The following ZBED4 variants were observed in gnomAD, a reference collection of about 807,000 sequenced individuals.
ZBED4 encodes the protein zinc finger BED-type containing 4.
A neutral mutation model predicts 15.5 loss-of-function variants in ZBED4; 4 were observed. That is an observed-to-expected ratio of 0.26 (90% CI 0.13 to 0.59). The LOEUF is 0.59. ZBED4 is among the 20% of genes least tolerant of loss of function. ZBED4 has a pLI of 0.90. For missense variants in ZBED4, 1,323 were observed against 1,461.8 expected (o/e 0.91, Z 1.55); for synonymous variants, 692 against 608.5 (o/e 1.14, Z -2.02).
At chr22:49,854,469 A>T (rs2147492853) in intron 1 of ZBED4, among the ~76,000 whole-genome samples, 1 of 152,318 alleles carries the variant, frequency 6.6e-6, no homozygotes, top group South Asian at 2.1e-4. Context: ...GGTCCTTGCG[A>T]CGCGCCCCGA....
In ZBED4 at chr22:49,868,988, A is replaced by G. The variant is rs543449358; in HGVS notation, c.-329-14346A>G. Among the ~76,000 whole-genome samples, 188 of 150,462 alleles carry G rather than the reference A, an allele frequency of 1.2e-3. 1 individual carries two copies. Among genetic ancestry groups the G allele is most frequent in the African/African-American group, 4.5e-3 (185 of 40,972 alleles). On this transcript the variant is annotated intron_variant, in intron 1 of 1. Coordinates refer to ENST00000216268, the MANE Select transcript of ZBED4 (RefSeq NM_014838.3). ...AAAAAAAAAAAATTAGCTGGGTGTG[A>G]TGGTGTATGCCTGTAATCCGAGCTG...
chr22:49,885,658 A>G lies in ZBED4; in HGVS notation c.1996A>G (p.Ile666Val). The G allele has an allele frequency of 6.2e-7, 1 of 1,612,936 alleles. No individual in the cohort carries two copies. Among genetic ancestry groups the G allele is most frequent in the Non-Finnish European group, 8.5e-7 (1 of 1,179,008 alleles). The part of the protein sequence containing the change: ...KKITSLIAEM[I>V]ALDLQPYSFV... ...AATCACAAGTCTCATAGCTGAAATG[A>G]TTGCACTTGACCTCCAGCCATATTC... Residue 666 changes from isoleucine (I) to valine (V), a missense_variant, in exon 2 of 2, where the codon ATT becomes GTT. Physicochemically the swap from Ile to Val is conservative, Grantham distance 29. Transcript: ENST00000216268.
At chr22:49,868,357 A>G (rs1434380760) in intron 1 of ZBED4, among the ~76,000 whole-genome samples, 1 of 152,222 alleles carries the variant, frequency 6.6e-6, no homozygotes, top group Non-Finnish European at 1.5e-5. Flanking sequence ...AGGCTGGTGG[A>G]TCACCCAGGA....
chr22:49,863,034 T>G (rs2060304600), intron 1 of ZBED4, among the ~76,000 whole-genome samples: 1 of 152,096 alleles, frequency 6.6e-6, no homozygotes, highest in Non-Finnish European at 1.5e-5. Flanking sequence ...GGTTACATTA[T>G]CCACCCCACC....
chr22:49,862,922 G>A (rs911609537), intron 1 of ZBED4, among the ~76,000 whole-genome samples: 2 of 151,812 alleles, frequency 1.3e-5, no homozygotes, highest in Non-Finnish European at 1.5e-5. Flanking sequence ...GGCTGGTCTC[G>A]AACTCCTGAC....
chr22:49,876,528 A>G (rs2060377202), intron 1 of ZBED4, among the ~76,000 whole-genome samples: 1 of 151,930 alleles, frequency 6.6e-6, no homozygotes, highest in African/African-American at 2.4e-5. Context: ...GTTGTTTGTT[A>G]TATTTAGTAT....
chr22:49,871,338 T>C (rs534635112), intron 1 of ZBED4, among the ~76,000 whole-genome samples: 2 of 152,050 alleles, frequency 1.3e-5, no homozygotes, highest in South Asian at 2.1e-4. Context: ...AATACAAAAT[T>C]AGCTGGGTGT....
chr22:49,860,394 A>G (rs2060291649), intron 1 of ZBED4, among the ~76,000 whole-genome samples: 1 of 152,172 alleles, frequency 6.6e-6, no homozygotes, highest in African/African-American at 2.4e-5. Flanking sequence ...AATCTTAATA[A>G]TATCATTGGC....
intron 1 of ZBED4, among the ~76,000 whole-genome samples, chr22:49,867,285 G>C (rs903099288): frequency 1.3e-5 from 2 of 152,186 alleles, no homozygotes; most frequent in Non-Finnish European, 2.9e-5. Flanking sequence ...CTTTTGAAAT[G>C]CCCAACGCGT....
rs1038914863 is a variant in ZBED4 at position 49,886,251 on chromosome 22, G to A, written c.2589G>A (p.Ser863=). 9 of 1,143,954 alleles carry A rather than the reference G, an allele frequency of 7.9e-6. No individual in the cohort carries two copies. The highest frequency in any genetic ancestry group is 1.5e-5 in the African/African-American group (1 of 64,996). 70.9% of individuals were successfully genotyped at this position (1,143,954 alleles called of 1,614,324 possible). The stretch of plus-strand genomic sequence containing the variant: ...AGATCTGCGAGCGGGTGCACCGGTC[G>A]CCCAAGGCGAAGGAGAAACTGGCCG... The part of the protein sequence containing the change: ...ARKICERVHR[S]PKAKEKLAEL... The change falls in exon 2 of 2, where the codon TCG becomes TCA. Residue 863 remains serine (S), a synonymous_variant. Transcript: ENST00000216268. This position sits in a 1 kb window ranked among gnomAD's most constrained non-coding sequence, Gnocchi z 7.7.
intron 1 of ZBED4, among the ~76,000 whole-genome samples, chr22:49,880,041 C>T (rs1252860956): frequency 3.3e-5 from 5 of 151,976 alleles, no homozygotes; most frequent in Non-Finnish European, 4.4e-5. Flanking sequence ...TTATTGGGTG[C>T]AGGATTTTGT....
chr22:49,857,391 C>T (rs964432912), intron 1 of ZBED4, among the ~76,000 whole-genome samples: 1 of 152,246 alleles, frequency 6.6e-6, no homozygotes, highest in African/African-American at 2.4e-5. Context: ...CCACATGACC[C>T]TGTCGTGTGA....
chr22:49,877,999 T>C (rs551478817), intron 1 of ZBED4, among the ~76,000 whole-genome samples: 2 of 152,276 alleles, frequency 1.3e-5, no homozygotes, highest in South Asian at 4.1e-4. Context: ...TGCTGTGAAT[T>C]TTATATGTAA....
At position 49,886,247 on chromosome 22, in the gene ZBED4, G is replaced by A. The variant is rs774073293; in HGVS notation, c.2585G>A (p.Arg862Gln). ...LARKICERVHRSPKAKEKLAE... is the reference protein window; with the variant it reads ...LARKICERVHQSPKAKEKLAE... Reference sequence around the variant, plus strand: ...CGGAAGATCTGCGAGCGGGTGCACCGGTCGCCCAAGGCGAAGGAGAAACTG... The same window carrying A: ...CGGAAGATCTGCGAGCGGGTGCACCAGTCGCCCAAGGCGAAGGAGAAACTG... Residue 862 changes from arginine to glutamine, a missense_variant, in exon 2 of 2, where the codon CGG becomes CAG. Arg to Gln is a conservative substitution (Grantham distance 43). Around this residue, in one of 6 missense-constraint regions of ZBED4, gnomAD observed 100 missense variants for 79.3 expected, o/e 1.26. Coordinates refer to ENST00000216268, the MANE Select transcript of ZBED4 (RefSeq NM_014838.3). This position sits in a 1 kb window ranked among gnomAD's most constrained non-coding sequence, Gnocchi z 7.7. 6 of 1,084,558 alleles carry A rather than the reference G, an allele frequency of 5.5e-6. No individual in the cohort carries two copies. Among genetic ancestry groups the A allele is most frequent in the Middle Eastern group, 2.1e-4 (1 of 4,846 alleles). The allele number at this position is 1,084,558 out of a possible 1,614,324, so 67.2% of individuals were successfully genotyped here.
intron 1 of ZBED4, among the ~76,000 whole-genome samples, chr22:49,874,786 G>A (rs950053545): frequency 4.8e-5 from 7 of 146,656 alleles, no homozygotes; most frequent in Non-Finnish European, 7.4e-5. Flanking sequence ...AGGTTCAAGC[G>A]ATTCTCCTGC....
chr22:49,880,803 A>G (rs1303476749), intron 1 of ZBED4, among the ~76,000 whole-genome samples: 1 of 152,184 alleles, frequency 6.6e-6, no homozygotes, highest in African/African-American at 2.4e-5. Context: ...ATCATATTGA[A>G]TTTATAGGTC....
intron 1 of ZBED4, among the ~76,000 whole-genome samples, chr22:49,858,918 G>C (rs1425865161): frequency 6.6e-6 from 1 of 152,186 alleles, no homozygotes; most frequent in Non-Finnish European, 1.5e-5. Context: ...ATTTGATACA[G>C]GGGCACGTTT....
chr22:49,885,785 T>C lies in ZBED4; in HGVS notation c.2123T>C (p.Met708Thr), dbSNP rs2060435184. ...TTCTCCAGGACAGCTATCCCAGGTATGTATGATAATGTGAAGCAGATAATT... is the reference window on the plus strand; with the variant it reads ...TTCTCCAGGACAGCTATCCCAGGTACGTATGATAATGTGAAGCAGATAATT... Reference protein sequence around the residue: ...SYFSRTAIPGMYDNVKQIIMS... With the variant: ...SYFSRTAIPGTYDNVKQIIMS... Residue 708 changes from methionine (M) to threonine (T), a missense_variant, in exon 2 of 2, where the codon ATG (methionine) becomes ACG (threonine). Physicochemically the swap from Met to Thr is moderately conservative, Grantham distance 81. Coordinates refer to ENST00000216268, the MANE Select transcript of ZBED4 (RefSeq NM_014838.3). 4 of 1,605,234 alleles carry C rather than the reference T, an allele frequency of 2.5e-6. No homozygotes were observed. The highest frequency in any genetic ancestry group is 3.4e-6 in the Non-Finnish European group (4 of 1,173,270).
chr22:49,875,548 G>A (rs1172866407), intron 1 of ZBED4, among the ~76,000 whole-genome samples: 2 of 151,836 alleles, frequency 1.3e-5, no homozygotes, highest in African/African-American at 4.8e-5. Flanking sequence ...AGCCTCTCAG[G>A]TAGCTGGGGT....
Sources: allele counts gnomAD v4.1 joint callset (sites outside exome capture counted in the v4.1 genomes callset), GRCh38; gene constraint gnomAD v4.1.1; regional missense constraint gnomAD v4.1.1; non-coding constraint Gnocchi (gnomAD v3.1); transcripts MANE v1.5; gene names NCBI Gene and HGNC (gene_info 2026-07-23, HGNC 2026-07-21).